Variants in SYNE1 observed in about 807,000 individuals in gnomAD.
SYNE1 encodes the protein spectrin repeat containing nuclear envelope protein 1, also known as nesprin-1.
SYNE1 carries 616 observed loss-of-function variants against 1,111.0 expected under a neutral mutation model. The ratio of observed to expected loss-of-function variants is 0.55; its 90% CI spans 0.52 to 0.59. The LOEUF (loss-of-function observed/expected upper bound fraction) is 0.59. SYNE1 is among the 20% of genes least tolerant of loss of function. The probability of loss-of-function intolerance (pLI) is 0.00; values close to 1 mark genes in which losing one functional copy is unlikely to be tolerated. For synonymous variants in SYNE1, 3,855 were observed against 3,825.8 expected, an observed-to-expected ratio of 1.01 and a Z score of -0.28; for missense variants, 10,006 against 10,417.0, an observed-to-expected ratio of 0.96 and a Z score of 1.72.
intron 75 of SYNE1, among the ~76,000 whole-genome samples, chr6:152,337,307 G>C (rs1294505103): frequency 8.0e-6 from 1 of 124,972 alleles, no homozygotes; most frequent in Non-Finnish European, 1.7e-5. Context: ...TTTTTTTTTT[G>C]AGACAGAGTT....
chr6:152,381,028 A>G lies in SYNE1; in HGVS notation c.8987T>C (p.Val2996Ala). ...LEGKNTDEEI[V>A]ECWHKGQEIL... The stretch of plus-strand genomic sequence containing the variant: ...TACTTGTCCTTTGTGCCAGCATTCC[A>G]CTATCTCCTCATCCGTGTTCTTGCC... Residue 2996 changes from valine to alanine, a missense_variant, in exon 56 of 146, where the codon GTG (valine) becomes GCG (alanine). By Grantham distance (64) the Val-to-Ala change is moderately conservative. Coordinates refer to ENST00000367255, the MANE Select transcript of SYNE1 (RefSeq NM_182961.4). 6.2e-7 allele frequency: 1 copy of G among 1,614,162 alleles called. No homozygotes were observed. The highest frequency in any genetic ancestry group is 8.5e-7 in the Non-Finnish European group (1 of 1,180,020).
At chr6:152,313,439 G>GA (rs1445107885) in intron 87 of SYNE1, among the ~76,000 whole-genome samples, 2 of 149,586 alleles carry the variant, frequency 1.3e-5, no homozygotes, top group Non-Finnish European at 3.0e-5. Flanking sequence ...TCTGACATTA[G>GA]AAAAAACACA....
chr6:152,448,746 G>A (rs1200808306), intron 28 of SYNE1, among the ~76,000 whole-genome samples: 1 of 152,158 alleles, frequency 6.6e-6, no homozygotes, highest in East Asian at 1.9e-4. Context: ...AGAGGCTGAG[G>A]TGGGAGGATT....
chr6:152,283,709 A>G lies in SYNE1; in HGVS notation c.18207+269T>C, dbSNP rs9397500. 0.44 allele frequency among the ~76,000 whole-genome samples: 66,744 copies of G among 151,528 alleles called. 16,945 individuals are homozygous for G. The highest frequency in any genetic ancestry group is 0.69 in the African/African-American group (28,418 of 41,240). ...ACACCACCATGTCTGGCTCATTTTT[A>G]TATTTTTAGTAGAGACAGGGTTTCA... On this transcript the variant is annotated intron_variant, in intron 96 of 145. Coordinates refer to ENST00000367255, the MANE Select transcript of SYNE1 (RefSeq NM_182961.4).
At chr6:152,280,085 C>G (rs1322565086) in intron 97 of SYNE1, among the ~76,000 whole-genome samples, 1 of 152,134 alleles carries the variant, frequency 6.6e-6, no homozygotes, top group African/African-American at 2.4e-5. Context: ...GGGGAAACAG[C>G]CTACAAAAAT....
At chr6:152,197,364 A>G (rs915416907) in intron 127 of SYNE1, among the ~76,000 whole-genome samples, 5 of 152,326 alleles carry the variant, frequency 3.3e-5, no homozygotes, top group Non-Finnish European at 4.4e-5. Context: ...CTCAGGTCAA[A>G]TCGGGAATGT....
intron 70 of SYNE1, 66 bp from the exon 71 acceptor site, chr6:152,350,836 T>G: frequency 6.3e-7 from 1 of 1,583,214 alleles, no homozygotes; most frequent in Non-Finnish European, 8.7e-7. Context: ...ACATACATAT[T>G]CCCATGGTAT....
chr6:152,269,371 C>A, intron 98 of SYNE1, 85 bp from the exon 99 acceptor site: 4 of 1,601,776 alleles, frequency 2.5e-6, no homozygotes, highest in Non-Finnish European at 2.6e-6. Flanking sequence ...TTGGTGTGAT[C>A]TATGTAATGA....
At chr6:152,346,330 G>C (rs1367295673) in intron 73 of SYNE1, among the ~76,000 whole-genome samples, 1 of 151,686 alleles carries the variant, frequency 6.6e-6, no homozygotes, top group Non-Finnish European at 1.5e-5. Flanking sequence ...CCACGCCCAG[G>C]TAATTTTTGT....
At chr6:152,440,858 C>G (rs1041605919) in intron 32 of SYNE1, among the ~76,000 whole-genome samples, 1 of 151,748 alleles carries the variant, frequency 6.6e-6, no homozygotes, top group Non-Finnish European at 1.5e-5. Context: ...TGAGTCACAG[C>G]GCGCGGCCTG....
In SYNE1 at chr6:152,612,896, C is replaced by A. The variant is rs558018006; in HGVS notation, c.67+15369G>T. Among the ~76,000 whole-genome samples, 8 of 152,244 alleles carry A rather than the reference C, an allele frequency of 5.3e-5. No individual in the cohort carries two copies. The South Asian group carries it at 1.7e-3, about 32-fold the overall frequency. ...ATGTAAACAGAACCAATGACAAAAA[C>A]CACATGATTATCTCAATAGATGCAG... On this transcript the variant is annotated intron_variant, in intron 3 of 145. Coordinates refer to ENST00000367255, the MANE Select transcript of SYNE1 (RefSeq NM_182961.4).
intron 131 of SYNE1, among the ~76,000 whole-genome samples, chr6:152,159,420 T>C (rs920603809): frequency 2.0e-5 from 3 of 152,232 alleles, no homozygotes; most frequent in Non-Finnish European, 2.9e-5. Context: ...ACCACTGGTG[T>C]ACAGGACTTT....
At chr6:152,184,532 A>G (rs1355363558) in intron 128 of SYNE1, among the ~76,000 whole-genome samples, 1 of 151,920 alleles carries the variant, frequency 6.6e-6, no homozygotes, top group Non-Finnish European at 1.5e-5. Flanking sequence ...TAGTACTATT[A>G]TACATGACTA....
intron 144 of SYNE1, among the ~76,000 whole-genome samples, chr6:152,131,049 GAAACA>G (rs2055458885): frequency 3.3e-5 from 5 of 152,076 alleles, no homozygotes; most frequent in Non-Finnish European, 7.4e-5. Flanking sequence ...TTTCATGGTA[GAAACA>G]CATGTGTATA....
intron 103 of SYNE1, 113 bp downstream of exon 103, chr6:152,255,478 T>G: frequency 8.3e-7 from 1 of 1,208,298 alleles, no homozygotes; most frequent in Non-Finnish European, 1.2e-6. Flanking sequence ...ATGTTCTGCA[T>G]TATTAGAATT....
chr6:152,560,411 G>A (rs572966017), intron 3 of SYNE1, among the ~76,000 whole-genome samples: 2 of 151,844 alleles, frequency 1.3e-5, no homozygotes, highest in East Asian at 3.9e-4. Context: ...ATCTGAGCAG[G>A]CCAATAATGA....
intron 34 of SYNE1, 117 bp from the exon 35 acceptor site, chr6:152,430,826 G>A (rs1280604934): frequency 9.9e-7 from 1 of 1,006,768 alleles, no homozygotes; most frequent in African/African-American, 1.6e-5. Flanking sequence ...AGACTTGGAT[G>A]GTTAGAGCGC....
At position 152,536,390 on chromosome 6, in the gene SYNE1, T is replaced by TTA. The variant is rs201245136; in HGVS notation, c.129+3568_129+3569dup. On this transcript the variant is annotated intron_variant, in intron 4 of 145. Coordinates refer to ENST00000367255, the MANE Select transcript of SYNE1 (RefSeq NM_182961.4). ...TATATATATAGTAATATATATATATTTATATATATACTATATATAGTAATA... is the reference window on the plus strand; with the variant it reads ...TATATATATAGTAATATATATATATTTATATATATATACTATATATAGTAATA... 8.4e-3 allele frequency among the ~76,000 whole-genome samples: 1,007 copies of TTA among 120,160 alleles called. 20 individuals are homozygous for TTA. The highest frequency in any genetic ancestry group is 0.028 in the African/African-American group (946 of 34,244). 78.8% of individuals were successfully genotyped at this position (120,160 alleles called of 152,430 possible). A position where few individuals can be genotyped will look rare whatever the true frequency, so the allele number is the denominator to read the frequency against.
chr6:152,217,409 G>GA (rs34685676), intron 121 of SYNE1, among the ~76,000 whole-genome samples: 60,751 of 145,162 alleles, frequency 0.42, 13,578 homozygotes, highest in East Asian at 0.56. Context: ...AAAAAAAAAA[G>GA]AAAAAAAAAT....
Sources: allele counts gnomAD v4.1 joint callset (sites outside exome capture counted in the v4.1 genomes callset), GRCh38; gene constraint gnomAD v4.1.1; transcripts MANE v1.5; gene names NCBI Gene and HGNC (gene_info 2026-07-23, HGNC 2026-07-21).